KCNIP4: variants seen among roughly 807,000 people sequenced by gnomAD.
KCNIP4 encodes the protein potassium voltage-gated channel interacting protein 4, also known as Kv channel-interacting protein 4.
Under a neutral mutation model 34.0 loss-of-function variants are expected in KCNIP4, and 12 were observed. The ratio of observed to expected loss-of-function variants is 0.35; its 90% confidence interval spans 0.23 to 0.57. The LOEUF is 0.57. Ranked by LOEUF, KCNIP4 falls within the 20% of genes least tolerant of loss-of-function variation. The pLI is 0.83. For synonymous variants in KCNIP4, 124 were observed against 102.2 expected (o/e 1.21, Z -1.29); for missense variants, 238 against 311.7 (o/e 0.76, Z 1.78).
chr4:21,553,041 G>C (rs571905771), intron 1 of KCNIP4, among the ~76,000 whole-genome samples: 3 of 151,872 alleles, frequency 2.0e-5, no homozygotes, highest in African/African-American at 7.3e-5. Flanking sequence ...GGGGGTTGAG[G>C]GGGGAGTCTC....
chr4:20,941,660 G>A (rs1158885184), intron 1 of KCNIP4, among the ~76,000 whole-genome samples: 1 of 152,030 alleles, frequency 6.6e-6, no homozygotes, highest in Non-Finnish European at 1.5e-5. Context: ...CATACAGAAA[G>A]GTTAACTATT....
intron 3 of KCNIP4, among the ~76,000 whole-genome samples, chr4:20,828,805 T>G (rs1250636793): frequency 6.6e-6 from 1 of 152,198 alleles, no homozygotes; most frequent in African/African-American, 2.4e-5. Context: ...TAAAAGATTT[T>G]TGATGTATGG....
At chr4:21,578,862 T>C (rs1050645055) in intron 1 of KCNIP4, among the ~76,000 whole-genome samples, 1 of 152,212 alleles carries the variant, frequency 6.6e-6, no homozygotes, top group African/African-American at 2.4e-5. Flanking sequence ...ATATTGCACC[T>C]TCTTAAAGTA....
intron 1 of KCNIP4, among the ~76,000 whole-genome samples, chr4:21,252,985 G>A (rs764803416): frequency 1.3e-5 from 2 of 151,976 alleles, no homozygotes; most frequent in Non-Finnish European, 1.5e-5. Context: ...GGGTTGAAAG[G>A]GATGCTGAGA....
At chr4:21,623,908 A>G (rs1368852081) in intron 1 of KCNIP4, among the ~76,000 whole-genome samples, 1 of 152,214 alleles carries the variant, frequency 6.6e-6, no homozygotes, top group African/African-American at 2.4e-5. Flanking sequence ...GTATTTATTG[A>G]GAAAGAGTGG....
rs149093852 is a variant in KCNIP4 at position 21,754,171 on chromosome 4, C to T, written c.61+194400G>A. On this transcript the variant is annotated intron_variant, in intron 1 of 8. Coordinates refer to ENST00000382152, the MANE Select transcript of KCNIP4 (RefSeq NM_025221.6). ...TTTCTGTGTCGTTTTTTTCTTAATTCGCTCAATAAAATTTATTTCAGGTTT... is the reference window on the plus strand; with the variant it reads ...TTTCTGTGTCGTTTTTTTCTTAATTTGCTCAATAAAATTTATTTCAGGTTT... Among the ~76,000 whole-genome samples, 1,334 of 151,736 alleles carry T rather than the reference C, an allele frequency of 8.8e-3. 18 individuals carry two copies. The highest frequency in any genetic ancestry group is 0.039 in the South Asian group (185 of 4,716).
At chr4:20,868,871 A>G (rs1252296976) in intron 2 of KCNIP4, among the ~76,000 whole-genome samples, 1 of 152,090 alleles carries the variant, frequency 6.6e-6, no homozygotes. Context: ...ATTGGGTACT[A>G]TGCTCACTGC....
At chr4:20,743,439 A>T (rs1284101615) in intron 5 of KCNIP4, among the ~76,000 whole-genome samples, 1 of 152,204 alleles carries the variant, frequency 6.6e-6, no homozygotes, top group Non-Finnish European at 1.5e-5. Flanking sequence ...CCAATGGAAC[A>T]GAACAGAGCC....
intron 1 of KCNIP4, among the ~76,000 whole-genome samples, chr4:20,957,798 T>C (rs1733467477): frequency 6.6e-6 from 1 of 152,216 alleles, no homozygotes; most frequent in East Asian, 1.9e-4. Context: ...TGTAATTTAA[T>C]CACCAAACTG....
At chr4:20,890,791 T>C (rs1725836696) in intron 1 of KCNIP4, among the ~76,000 whole-genome samples, 1 of 152,190 alleles carries the variant, frequency 6.6e-6, no homozygotes, top group Non-Finnish European at 1.5e-5. Flanking sequence ...AATGAGAATG[T>C]ATTCATTTTT....
At chr4:21,901,433 T>C (rs1327020430) in intron 1 of KCNIP4, among the ~76,000 whole-genome samples, 1 of 152,224 alleles carries the variant, frequency 6.6e-6, no homozygotes, top group East Asian at 1.9e-4. Context: ...TATCAAGTTG[T>C]TGACACAAGC....
At chr4:21,276,390 C>T (rs1332621747) in intron 1 of KCNIP4, among the ~76,000 whole-genome samples, 5 of 135,150 alleles carry the variant, frequency 3.7e-5, no homozygotes, top group Non-Finnish European at 6.2e-5. Flanking sequence ...TGGGTAGATA[C>T]AGTGTTTCAC....
intron 3 of KCNIP4, among the ~76,000 whole-genome samples, chr4:20,805,278 T>C (rs1714935211): frequency 6.8e-6 from 1 of 146,670 alleles, no homozygotes; most frequent in African/African-American, 2.5e-5. Context: ...TAAAGAGATC[T>C]TCCCACCTGG....
chr4:21,214,558 A>G (rs1476284328), intron 1 of KCNIP4, among the ~76,000 whole-genome samples: 7 of 152,114 alleles, frequency 4.6e-5, no homozygotes, highest in Non-Finnish European at 8.8e-5. Flanking sequence ...TGTTGCATGG[A>G]TGTAGCATAT....
intron 1 of KCNIP4, among the ~76,000 whole-genome samples, chr4:21,730,360 C>T (rs139454453): frequency 1.6e-3 from 245 of 152,202 alleles, no homozygotes; most frequent in African/African-American, 5.5e-3. Context: ...ACTCTGACCT[C>T]CTTGGAGGAA....
intron 1 of KCNIP4, among the ~76,000 whole-genome samples, chr4:21,511,881 A>G (rs560698123): frequency 6.6e-6 from 1 of 152,258 alleles, no homozygotes; most frequent in African/African-American, 2.4e-5. Context: ...ATTCAGAGAC[A>G]AGACTTAATT....
intron 1 of KCNIP4, among the ~76,000 whole-genome samples, chr4:21,707,480 A>G (rs902579985): frequency 1.3e-5 from 2 of 152,226 alleles, no homozygotes; most frequent in Middle Eastern, 3.4e-3. Flanking sequence ...AGGTAAGGAA[A>G]AGTGTTTATG....
intron 1 of KCNIP4, among the ~76,000 whole-genome samples, chr4:21,216,687 T>C (rs1004037208): frequency 6.6e-6 from 1 of 152,126 alleles, no homozygotes; most frequent in African/African-American, 2.4e-5. Flanking sequence ...GTTAAACTAG[T>C]ATATGGTTTC....
At chr4:20,738,905 C>T (rs538519357) in intron 5 of KCNIP4, among the ~76,000 whole-genome samples, 1 of 152,282 alleles carries the variant, frequency 6.6e-6, no homozygotes, top group Admixed American at 6.5e-5. Flanking sequence ...TGTGCTTTTC[C>T]AACAGTCTTA....
Sources: allele counts gnomAD v4.1 joint callset (sites outside exome capture counted in the v4.1 genomes callset), GRCh38; gene constraint gnomAD v4.1.1; transcripts MANE v1.5; gene names NCBI Gene and HGNC (gene_info 2026-07-23, HGNC 2026-07-21).